HEATR5A: variants seen among roughly 807,000 people sequenced by gnomAD.
The protein encoded by HEATR5A is HEAT repeat-containing protein 5A.
HEATR5A carries 178 observed loss-of-function variants against 218.8 expected under a neutral mutation model. That is an observed-to-expected ratio of 0.81 (90% CI 0.72 to 0.92). The LOEUF (loss-of-function observed/expected upper bound fraction) is 0.92. HEATR5A is among the 40% of genes least tolerant of loss of function. The pLI is 0.00. For missense variants in HEATR5A, 2,420 were observed against 2,418.9 expected, an observed-to-expected ratio of 1.00 and a Z score of -0.01; for synonymous variants, 864 against 871.6, an observed-to-expected ratio of 0.99 and a Z score of 0.15.
intron 33 of HEATR5A, among the ~76,000 whole-genome samples, chr14:31,298,594 C>T (rs1345803090): frequency 6.6e-6 from 1 of 152,112 alleles, no homozygotes; most frequent in Non-Finnish European, 1.5e-5. Flanking sequence ...CACTGGCCAG[C>T]CCTCAACATA....
intron 11 of HEATR5A, among the ~76,000 whole-genome samples, chr14:31,377,462 T>C (rs1902272731): frequency 6.6e-6 from 1 of 152,050 alleles, no homozygotes; most frequent in South Asian, 2.1e-4. Flanking sequence ...GCTATGATAC[T>C]AACGCACTCT....
rs746802787 is a variant in HEATR5A at position 31,403,009 on chromosome 14, C to A, written c.-34G>T. On this transcript the variant is annotated 5_prime_UTR_variant, in exon 2 of 36. Coordinates refer to ENST00000543095, the MANE Select transcript of HEATR5A (RefSeq NM_015473.4). ...GCAATCCTCCCAGCTGATCACAGTT[C>A]TTCTCGTTAAACTTTGGTCAATATA... 6.6e-7 allele frequency: 1 copy of A among 1,524,980 alleles called. No homozygotes were observed. 94.5% of individuals were successfully genotyped at this position (1,524,980 alleles called of 1,614,324 possible).
chr14:31,386,306 A>C, intron 9 of HEATR5A, 114 bp downstream of exon 9: 1 of 746,284 alleles, frequency 1.3e-6, no homozygotes, highest in Non-Finnish European at 2.0e-6. Context: ...TTTTCATAAA[A>C]CATTTCTCAT....
chr14:31,387,406 T>C (rs1236027309), intron 7 of HEATR5A, 31 bp from the exon 8 acceptor site: 7 of 1,518,448 alleles, frequency 4.6e-6, no homozygotes, highest in Non-Finnish European at 6.3e-6. Flanking sequence ...ATTTTCAATA[T>C]TAAATTGTTT....
intron 21 of HEATR5A, among the ~76,000 whole-genome samples, chr14:31,339,059 G>A (rs377003832): frequency 5.9e-5 from 9 of 151,510 alleles, no homozygotes; most frequent in South Asian, 4.2e-4. Flanking sequence ...GGTGGAGGTC[G>A]CAGTGAGCCG....
intron 23 of HEATR5A, among the ~76,000 whole-genome samples, chr14:31,325,357 C>T (rs757205551): frequency 1.3e-5 from 2 of 151,978 alleles, no homozygotes; most frequent in African/African-American, 4.8e-5. Context: ...TCTAATACTA[C>T]TTGAAATTAA....
rs772836094 is a variant in HEATR5A at position 31,349,821 on chromosome 14, A to G, written c.2676T>C (p.Phe892=). ...AGCTAACTTGAGCTAATCCAGCAGT[A>G]AAAGCTCCATCATCTACCACTTGGG... ...RLAQVVDDGA[F]TAGLAQVSFD... Residue 892 remains phenylalanine (F), a synonymous_variant, in exon 18 of 36, where the codon TTT becomes TTC. Transcript: ENST00000543095. The G allele has an allele frequency of 1.6e-5, 26 of 1,612,924 alleles. No homozygotes were observed. Among genetic ancestry groups the G allele is most frequent in the Non-Finnish European group, 2.0e-5 (24 of 1,179,168 alleles).
Position 31,344,041 on chromosome 14 carries a change from A to G in HEATR5A, c.3083T>C (p.Leu1028Ser). The change falls in exon 21 of 36, where the codon TTA becomes TCA. Residue 1028 changes from leucine to serine, a missense_variant. Leu to Ser is a moderately radical substitution (Grantham distance 145). Transcript: ENST00000543095. ...ACAACCCAGTAGACAGGAAGTCCTT[A>G]AGGTAGAAATTGAAGTACTGTTACC... ...LQGNSTSIST[L>S]RTSCLLGCAV... The G allele has an allele frequency of 4.5e-6, 7 of 1,550,100 alleles. No homozygotes were observed. Among genetic ancestry groups the G allele is most frequent in the Non-Finnish European group, 6.1e-6 (7 of 1,149,306 alleles).
chr14:31,376,593 A>G (rs569318173), intron 11 of HEATR5A, among the ~76,000 whole-genome samples: 62 of 152,262 alleles, frequency 4.1e-4, no homozygotes, highest in Non-Finnish European at 8.1e-4. Flanking sequence ...AAGACAAGAT[A>G]TGGAGGAATC....
At chr14:31,341,907 T>G (rs1173629713) in intron 21 of HEATR5A, among the ~76,000 whole-genome samples, 2 of 152,166 alleles carry the variant, frequency 1.3e-5, no homozygotes, top group Non-Finnish European at 2.9e-5. Context: ...TGAAAAATTT[T>G]TCAATAACTG....
intron 16 of HEATR5A, among the ~76,000 whole-genome samples, chr14:31,352,950 C>T (rs1343323647): frequency 1.4e-5 from 2 of 141,154 alleles, no homozygotes; most frequent in African/African-American, 5.2e-5. Flanking sequence ...AGCGAGACTC[C>T]ATCTCCAAAA....
At chr14:31,331,713 T>A (rs1298799630) in intron 22 of HEATR5A, among the ~76,000 whole-genome samples, 3 of 152,180 alleles carry the variant, frequency 2.0e-5, no homozygotes, top group African/African-American at 7.2e-5. Context: ...TTCTGCATTG[T>A]TAGGGAGGCC....
chr14:31,386,458 C>T lies in HEATR5A; in HGVS notation c.1307G>A (p.Gly436Asp). The stretch of plus-strand genomic sequence containing the variant: ...CTGTAGCAAAGGTGCCGCTGTGGTG[C>T]CAAGATTGTGTATGAGATTTCCAAG... ...QELGNLIHNL[G>D]TTAAPLLQDS... Residue 436 changes from glycine to aspartate, a missense_variant, in exon 9 of 36, where the codon GGC (glycine) becomes GAC (aspartate). Gly to Asp is a moderately conservative substitution (Grantham distance 94, BLOSUM62 -1). Transcript: ENST00000543095. The T allele has an allele frequency of 6.2e-7, 1 of 1,613,650 alleles. No individual in the cohort carries two copies. The highest frequency in any genetic ancestry group is 8.5e-7 in the Non-Finnish European group (1 of 1,179,768).
At chr14:31,393,470 C>T (rs2030530527) in intron 6 of HEATR5A, among the ~76,000 whole-genome samples, 1 of 152,128 alleles carries the variant, frequency 6.6e-6, no homozygotes, top group African/African-American at 2.4e-5. Context: ...GAGATGGCAC[C>T]ACTGCTCTCC....
At chr14:31,367,425 A>G (rs1901842327) in intron 13 of HEATR5A, among the ~76,000 whole-genome samples, 2 of 151,880 alleles carry the variant, frequency 1.3e-5, no homozygotes, top group South Asian at 4.1e-4. Flanking sequence ...TTTGAGATGG[A>G]GTCTCACTCT....
intron 26 of HEATR5A, 114 bp from the exon 27 acceptor site, chr14:31,316,063 G>A (rs979268689): frequency 4.0e-6 from 3 of 753,638 alleles, no homozygotes; most frequent in African/African-American, 1.8e-5. Flanking sequence ...CAGGCAGATC[G>A]CTTGAGCCCA....
At chr14:31,325,035 A>G (rs1900219789) in intron 23 of HEATR5A, among the ~76,000 whole-genome samples, 1 of 152,220 alleles carries the variant, frequency 6.6e-6, no homozygotes, top group Admixed American at 6.5e-5. Flanking sequence ...ACTGAAGTAC[A>G]GTGGAAGGCT....
At chr14:31,418,181 C>A (rs1375649448) in intron 1 of HEATR5A, among the ~76,000 whole-genome samples, 1 of 152,218 alleles carries the variant, frequency 6.6e-6, no homozygotes, top group Admixed American at 6.5e-5. Context: ...TGCACTCCAG[C>A]CTGGGCTACA....
chr14:31,313,001 G>A lies in HEATR5A; in HGVS notation c.4408C>T (p.Pro1470Ser), dbSNP rs1351408509. The A allele has an allele frequency of 1.2e-6, 2 of 1,613,746 alleles. No individual in the cohort carries two copies. The highest frequency in any genetic ancestry group is 1.3e-5 in the African/African-American group (1 of 74,922). The change falls in exon 28 of 36, where the codon CCT (proline) becomes TCT (serine). Residue 1470 changes from proline (P) to serine (S), a missense_variant. Coordinates refer to ENST00000543095, the MANE Select transcript of HEATR5A (RefSeq NM_015473.4). ...GGAAGTTGGGAGGCAAATTCTGAAG[G>A]CAAAGTTAAAAGAGCAAAATCCTGA... ...ALQDFALLTL[P>S]SEFASQLPAE...
Sources: gnomAD v4.1 joint callset for allele counts (sites outside exome capture counted in the v4.1 genomes callset) on GRCh38, gnomAD v4.1.1 for gene constraint, MANE v1.5 for transcripts, NCBI Gene and HGNC (gene_info 2026-07-23, HGNC 2026-07-21) for gene names.